The following CADM1 variants were observed in gnomAD, a reference collection of about 807,000 sequenced individuals.
CADM1 encodes the protein cell adhesion molecule 1.
Under a neutral mutation model 53.1 loss-of-function variants are expected in CADM1, and 15 were observed. The observed-to-expected ratio is 0.28, with a 90% CI of 0.19 to 0.44. CADM1 has a LOEUF of 0.44. CADM1 is among the 20% of genes least tolerant of loss of function. The probability of loss-of-function intolerance (pLI) is 1.00; values close to 1 mark genes in which losing one functional copy is unlikely to be tolerated. For synonymous variants in CADM1, 281 were observed against 243.0 expected (o/e 1.16, Z -1.45); for missense variants, 434 against 611.3 (o/e 0.71, Z 3.06).
rs758785520 is a variant in CADM1, at chr11:115,393,066, CAAAAAAAAAAAAAA to C, written c.124+111191_124+111204del. On this transcript the variant is annotated intron_variant, in intron 1 of 11. Transcript: ENST00000331581. ...CAACATAGCGAGACCCCATCTCTTCCAAAAAAAAAAAAAAAAAAAAAAAAGGAGAAATAGCCCAT... is the reference window on the plus strand; with the variant it reads ...CAACATAGCGAGACCCCATCTCTTCCAAAAAAAAAAGGAGAAATAGCCCAT... 0.016 allele frequency among the ~76,000 whole-genome samples: 784 copies of C among 50,334 alleles called. 45 individuals carry two copies. In the Middle Eastern group the frequency reaches 0.18, roughly 12 times the overall value. 33.0% of individuals were successfully genotyped at this position (50,334 alleles called of 152,430 possible).
chr11:115,170,529 A>C lies in CADM1; in HGVS notation c.*5945T>G, dbSNP rs962734008. The C allele has an allele frequency of 6.6e-6, 1 of 150,874 alleles. No individual in the cohort carries two copies. The highest frequency in any genetic ancestry group is 6.6e-5 in the Admixed American group (1 of 15,160). 9.3% of individuals were successfully genotyped at this position (150,874 alleles called of 1,614,324 possible). On this transcript the variant is annotated 3_prime_UTR_variant, in exon 12 of 12. Coordinates refer to ENST00000331581, the MANE Select transcript of CADM1 (RefSeq NM_001301043.2). The stretch of plus-strand genomic sequence containing the variant: ...GAAGCTGAGGTTTGGAACACCTGAA[A>C]ACAGAGAAGATTCTTGCTTTCAGGT...
chr11:115,419,094 T>G (rs1437676495), intron 1 of CADM1, among the ~76,000 whole-genome samples: 1 of 152,228 alleles, frequency 6.6e-6, no homozygotes, highest in East Asian at 1.9e-4. Context: ...GGGTCTCTAA[T>G]TTTGCTATGC....
intron 1 of CADM1, among the ~76,000 whole-genome samples, chr11:115,332,618 T>G (rs1022072067): frequency 6.6e-6 from 1 of 152,074 alleles, no homozygotes; most frequent in East Asian, 1.9e-4. Flanking sequence ...GGCACTTACA[T>G]ATGCTCGATA....
At chr11:115,191,733 T>C (rs968745632) in intron 9 of CADM1, among the ~76,000 whole-genome samples, 5 of 108,678 alleles carry the variant, frequency 4.6e-5, no homozygotes, top group Admixed American at 1.7e-4. Context: ...TTTTGCTTTA[T>C]TTGTGAGCTG....
At chr11:115,469,844 G>A (rs187833438) in intron 1 of CADM1, among the ~76,000 whole-genome samples, 3 of 151,846 alleles carry the variant, frequency 2.0e-5, no homozygotes, top group Admixed American at 6.6e-5. Flanking sequence ...GCTAATTTTT[G>A]TATTTTTAGT....
chr11:115,295,389 C>G lies in CADM1; in HGVS notation c.125-54969G>C, dbSNP rs374812224. Reference sequence around the variant, plus strand: ...CCTTGAGGTCAGTCTTCATGTCTCTCTCCCACTGCTTCTGCCCTGGTTAAA... The same window carrying G: ...CCTTGAGGTCAGTCTTCATGTCTCTGTCCCACTGCTTCTGCCCTGGTTAAA... On this transcript the variant is annotated intron_variant, in intron 1 of 11. Transcript: ENST00000331581. Among the ~76,000 whole-genome samples, 29 of 151,402 alleles carry G rather than the reference C, an allele frequency of 1.9e-4. No homozygotes were observed. The South Asian group carries it at 5.6e-3, about 29-fold the overall frequency.
intron 1 of CADM1, among the ~76,000 whole-genome samples, chr11:115,443,912 T>C (rs1251657161): frequency 1.3e-5 from 2 of 152,196 alleles, no homozygotes; most frequent in East Asian, 3.9e-4. Flanking sequence ...GATACCCAAC[T>C]TTTTCAGTAT....
intron 11 of CADM1, among the ~76,000 whole-genome samples, chr11:115,177,293 C>A (rs1183784148): frequency 6.6e-6 from 1 of 152,174 alleles, no homozygotes; most frequent in Non-Finnish European, 1.5e-5. Flanking sequence ...TGCTAATTGG[C>A]ACAGCCACTT....
intron 1 of CADM1, among the ~76,000 whole-genome samples, chr11:115,367,299 T>TA (rs1283816701): frequency 2.0e-5 from 3 of 152,222 alleles, no homozygotes; most frequent in Non-Finnish European, 4.4e-5. Context: ...TGTTAGAGAT[T>TA]AAAAAACAAA....
At position 115,385,114 on chromosome 11, in the gene CADM1, C is replaced by T. The variant is rs1001919853; in HGVS notation, c.124+119157G>A. On this transcript the variant is annotated intron_variant, in intron 1 of 11. Transcript: ENST00000331581. The stretch of plus-strand genomic sequence containing the variant: ...AGAACCCTTACAGAAAACATACATT[C>T]ATACTCATTTTAGTTTTTACCACCT... Among the ~76,000 whole-genome samples, 3 of 151,152 alleles carry T rather than the reference C, an allele frequency of 2.0e-5. No homozygotes were observed. The South Asian group carries it at 6.3e-4, about 32-fold the overall frequency.
chr11:115,349,801 G>C (rs1236440724), intron 1 of CADM1, among the ~76,000 whole-genome samples: 1 of 152,096 alleles, frequency 6.6e-6, no homozygotes, highest in East Asian at 1.9e-4. Flanking sequence ...CACTGTTCTA[G>C]GTCCCTCCAT....
intron 1 of CADM1, among the ~76,000 whole-genome samples, chr11:115,281,986 A>G (rs1408038268): frequency 3.9e-5 from 6 of 152,204 alleles, no homozygotes; most frequent in African/African-American, 1.4e-4. Flanking sequence ...ACAAAGTAAA[A>G]CATGTATCAA....
At chr11:115,267,583 A>G (rs1417865556) in intron 1 of CADM1, among the ~76,000 whole-genome samples, 1 of 152,180 alleles carries the variant, frequency 6.6e-6, no homozygotes, top group Non-Finnish European at 1.5e-5. Context: ...ACACATTTCT[A>G]AAGCAGTATG....
intron 1 of CADM1, among the ~76,000 whole-genome samples, chr11:115,255,997 A>G (rs1445312100): frequency 6.6e-6 from 1 of 152,226 alleles, no homozygotes; most frequent in African/African-American, 2.4e-5. Flanking sequence ...GTCAGTTCAC[A>G]AGCGGTAGCA....
intron 5 of CADM1, among the ~76,000 whole-genome samples, chr11:115,224,196 C>T (rs972177237): frequency 1.3e-5 from 2 of 151,920 alleles, no homozygotes; most frequent in Non-Finnish European, 2.9e-5. Context: ...AGGGCACTAT[C>T]GATACCAGAG....
chr11:115,312,155 T>C (rs1330138721), intron 1 of CADM1, among the ~76,000 whole-genome samples: 2 of 152,138 alleles, frequency 1.3e-5, no homozygotes, highest in Non-Finnish European at 2.9e-5. Context: ...TAGGAGCTGC[T>C]ATAATAAGTG....
At chr11:115,450,367 A>T (rs1004726989) in intron 1 of CADM1, among the ~76,000 whole-genome samples, 1 of 152,146 alleles carries the variant, frequency 6.6e-6, no homozygotes, top group Non-Finnish European at 1.5e-5. Context: ...ACAGTTTTTA[A>T]CTTCATTCAT....
At chr11:115,411,257 T>C (rs900878671) in intron 1 of CADM1, among the ~76,000 whole-genome samples, 2 of 152,204 alleles carry the variant, frequency 1.3e-5, no homozygotes, top group African/African-American at 2.4e-5. Context: ...TGAATGCATG[T>C]CTGTGACAAA....
At chr11:115,205,585 G>A (rs943229200) in intron 8 of CADM1, among the ~76,000 whole-genome samples, 1 of 152,164 alleles carries the variant, frequency 6.6e-6, no homozygotes, top group South Asian at 2.1e-4. Flanking sequence ...TTTCACAAAG[G>A]ATTCCAGGGA....
Sources: allele counts gnomAD v4.1 joint callset (sites outside exome capture counted in the v4.1 genomes callset), GRCh38; gene constraint gnomAD v4.1.1; transcripts MANE v1.5; gene names NCBI Gene and HGNC (gene_info 2026-07-23, HGNC 2026-07-21).